The following LHFPL3 variants were observed in gnomAD, a reference collection of about 807,000 sequenced individuals.
The protein encoded by LHFPL3 is LHFPL tetraspan subfamily member 3 protein.
LHFPL3 carries 5 observed loss-of-function variants against 19.3 expected under a neutral mutation model. The ratio of observed to expected loss-of-function variants is 0.26; its 90% CI spans 0.14 to 0.54. The LOEUF is 0.54. Among genes scored for constraint, LHFPL3 ranks in the 20% least tolerant of loss-of-function variants. The pLI is 0.94. For missense variants in LHFPL3, 249 were observed against 307.4 expected, an observed-to-expected ratio of 0.81 and a Z score of 1.42; for synonymous variants, 133 against 126.2, an observed-to-expected ratio of 1.05 and a Z score of -0.36.
At chr7:104,857,143 T>C (rs562067225) in intron 2 of LHFPL3, among the ~76,000 whole-genome samples, 2 of 152,326 alleles carry the variant, frequency 1.3e-5, no homozygotes, top group Admixed American at 6.5e-5. Flanking sequence ...GAGGACACCA[T>C]AGCTCAGTGA....
At chr7:104,523,493 G>A (rs62485137) in intron 1 of LHFPL3, among the ~76,000 whole-genome samples, 3,901 of 152,260 alleles carry the variant, frequency 0.026, 76 homozygotes, top group Non-Finnish European at 0.042. Context: ...TTTGCTGCAT[G>A]ACTCATTAAC....
intron 2 of LHFPL3, among the ~76,000 whole-genome samples, chr7:104,850,667 T>C (rs759956783): frequency 2.6e-5 from 4 of 152,302 alleles, no homozygotes; most frequent in Non-Finnish European, 5.9e-5. Context: ...CCAGCAGCAT[T>C]GCCCAGAAAC....
intron 1 of LHFPL3, among the ~76,000 whole-genome samples, chr7:104,675,554 A>G (rs1792574022): frequency 6.6e-6 from 1 of 152,218 alleles, no homozygotes; most frequent in Non-Finnish European, 1.5e-5. Context: ...AACAAAGGCT[A>G]AAAGCAGATA....
rs1228799278 is a variant in LHFPL3 at position 104,605,193 on chromosome 7, TTGAC to T, written c.446-131478_446-131475del. 2.6e-5 allele frequency among the ~76,000 whole-genome samples: 4 copies of T among 152,344 alleles called. No individual in the cohort carries two copies. In the East Asian group the frequency reaches 5.8e-4, roughly 22 times the overall value. Reference sequence around the variant, plus strand: ...ACTATCAAATAAAGTTGTTAAACCTTTGACTGAGAGTTTTCAATCAAATAATGGA... The same window carrying T: ...ACTATCAAATAAAGTTGTTAAACCTTTGAGAGTTTTCAATCAAATAATGGA... On this transcript the variant is annotated intron_variant, in intron 1 of 2. Transcript: ENST00000424859.
At position 104,760,616 on chromosome 7, in the gene LHFPL3, C is replaced by A. The variant is rs112390270; in HGVS notation, c.682+23705C>A. Reference sequence around the variant, plus strand: ...ACATCATCAAATATTTTCCTAGTGTCATTTTTTTAAGCCAAGTGATAGTTA... The same window carrying A: ...ACATCATCAAATATTTTCCTAGTGTAATTTTTTTAAGCCAAGTGATAGTTA... On this transcript the variant is annotated intron_variant, in intron 2 of 2. Coordinates refer to ENST00000424859, the MANE Select transcript of LHFPL3 (RefSeq NM_199000.3). Among the ~76,000 whole-genome samples, 9 of 141,460 alleles carry A rather than the reference C, an allele frequency of 6.4e-5. 1 individual carries two copies. The highest frequency in any genetic ancestry group is 2.3e-4 in the African/African-American group (9 of 39,812). The allele number at this position is 141,460 out of a possible 152,430, so 92.8% of individuals were successfully genotyped here.
intron 1 of LHFPL3, among the ~76,000 whole-genome samples, chr7:104,606,959 CA>C (rs893933799): frequency 1.3e-5 from 2 of 149,600 alleles, no homozygotes; most frequent in African/African-American, 2.5e-5. Context: ...CAAAACAAAA[CA>C]AAAAAAAACA....
At chr7:104,817,285 G>A (rs1181988325) in intron 2 of LHFPL3, among the ~76,000 whole-genome samples, 1 of 152,110 alleles carries the variant, frequency 6.6e-6, no homozygotes, top group Admixed American at 6.6e-5. Context: ...TTGAGCAAAG[G>A]CTCAACCTCA....
At chr7:104,504,460 A>G (rs1793659356) in intron 1 of LHFPL3, among the ~76,000 whole-genome samples, 1 of 152,226 alleles carries the variant, frequency 6.6e-6, no homozygotes, top group Admixed American at 6.5e-5. Context: ...TTATGACATT[A>G]AATTACATCC....
intron 2 of LHFPL3, among the ~76,000 whole-genome samples, chr7:104,814,052 C>A (rs139519249): frequency 5.3e-5 from 8 of 152,328 alleles, no homozygotes; most frequent in African/African-American, 1.9e-4. Context: ...GGAGGGTGAG[C>A]AAGATGAAGA....
intron 1 of LHFPL3, among the ~76,000 whole-genome samples, chr7:104,462,797 A>G (rs1407788916): frequency 6.6e-6 from 1 of 152,064 alleles, no homozygotes; most frequent in East Asian, 1.9e-4. Context: ...TTTTTTTGTC[A>G]TAGCTTCAAT....
At chr7:104,649,040 T>C (rs1189605439) in intron 1 of LHFPL3, among the ~76,000 whole-genome samples, 1 of 152,326 alleles carries the variant, frequency 6.6e-6, no homozygotes, top group East Asian at 1.9e-4. Context: ...GTAGAGTGGA[T>C]CAATCCACTT....
intron 1 of LHFPL3, among the ~76,000 whole-genome samples, chr7:104,647,922 C>T (rs1219976651): frequency 6.6e-6 from 1 of 152,146 alleles, no homozygotes; most frequent in Non-Finnish European, 1.5e-5. Flanking sequence ...CTACTGGACA[C>T]CTCTCTAATT....
At chr7:104,864,496 C>A (rs973720139) in intron 2 of LHFPL3, among the ~76,000 whole-genome samples, 3 of 152,184 alleles carry the variant, frequency 2.0e-5, no homozygotes, top group African/African-American at 4.8e-5. Context: ...GAGAGTCCTA[C>A]GCCCAATGTG....
Position 104,829,462 on chromosome 7 carries a change from T to C in LHFPL3, c.683-76725T>C, listed in dbSNP as rs182842832. 7.9e-3 allele frequency among the ~76,000 whole-genome samples: 1,193 copies of C among 151,966 alleles called. 31 individuals are homozygous for C. The highest frequency in any genetic ancestry group is 0.027 in the African/African-American group (1,127 of 41,272). On this transcript the variant is annotated intron_variant, in intron 2 of 2. Coordinates refer to ENST00000424859, the MANE Select transcript of LHFPL3 (RefSeq NM_199000.3). ...GTCATTTAGCATTAGGTATATCTCC[T>C]AATGCTATCCCTCCCCCATCCCCCT...
chr7:104,857,645 G>A (rs967002706), intron 2 of LHFPL3, among the ~76,000 whole-genome samples: 2 of 152,144 alleles, frequency 1.3e-5, no homozygotes, highest in South Asian at 2.1e-4. Context: ...CTGCCAATTT[G>A]ACTGTTCTTA....
intron 1 of LHFPL3, among the ~76,000 whole-genome samples, chr7:104,377,582 A>G (rs1190600137): frequency 6.6e-6 from 1 of 152,198 alleles, no homozygotes; most frequent in African/African-American, 2.4e-5. Context: ...ACTTAAAACC[A>G]TCTAGAGCAG....
chr7:104,602,715 G>A (rs184425434), intron 1 of LHFPL3, among the ~76,000 whole-genome samples: 65 of 152,220 alleles, frequency 4.3e-4, no homozygotes, highest in African/African-American at 1.4e-3. Context: ...GTTAATATAC[G>A]GAATACCACA....
chr7:104,668,588 G>T (rs948342415), intron 1 of LHFPL3: 2 of 1,612,718 alleles, frequency 1.2e-6, no homozygotes, highest in Admixed American at 3.3e-5. Context: ...TTGGCAGTGG[G>T]TATCGCAGGG....
intron 2 of LHFPL3, among the ~76,000 whole-genome samples, chr7:104,742,064 A>G (rs534689844): frequency 6.6e-6 from 1 of 152,216 alleles, no homozygotes; most frequent in Non-Finnish European, 1.5e-5. Flanking sequence ...TAACACACTG[A>G]ACTGTGAAGT....
Sources: gnomAD v4.1 joint callset for allele counts (sites outside exome capture counted in the v4.1 genomes callset) on GRCh38, gnomAD v4.1.1 for gene constraint, MANE v1.5 for transcripts, NCBI Gene and HGNC (gene_info 2026-07-23, HGNC 2026-07-21) for gene names.